Variants in ARHGAP12 observed in about 807,000 individuals in gnomAD.
ARHGAP12 encodes Rho GTPase activating protein 12.
In ARHGAP12, 64 loss-of-function variants were observed where a neutral mutation model predicts 108.6. The ratio of observed to expected loss-of-function variants is 0.59; its 90% CI spans 0.48 to 0.73. The LOEUF (loss-of-function observed/expected upper bound fraction) is 0.73. Among genes scored for constraint, ARHGAP12 ranks in the 30% least tolerant of loss-of-function variants. ARHGAP12 has a pLI of 0.00. For missense variants in ARHGAP12, 940 were observed against 1,005.9 expected, an observed-to-expected ratio of 0.93 and a Z score of 0.89; for synonymous variants, 312 against 337.2, an observed-to-expected ratio of 0.93 and a Z score of 0.82.
chr10:31,843,672 G>T, intron 6 of ARHGAP12, 86 bp from the exon 7 acceptor site: 1 of 1,416,782 alleles, frequency 7.1e-7, no homozygotes, highest in Non-Finnish European at 9.3e-7. Flanking sequence ...GGCTCCAAAT[G>T]ACAAAGACTG....
At chr10:31,866,586 C>G (rs940679237) in intron 3 of ARHGAP12, among the ~76,000 whole-genome samples, 1 of 151,176 alleles carries the variant, frequency 6.6e-6, no homozygotes, top group Non-Finnish European at 1.5e-5. Flanking sequence ...AAACACCATA[C>G]AATGAGAAGA....
At chr10:31,928,838 C>A (rs971828871), upstream of ARHGAP12, 2 of 152,102 alleles carry the variant, frequency 1.3e-5, no homozygotes, top group Non-Finnish European at 2.9e-5. Context: ...TTACAGGGCA[C>A]GTCGGAGCGC....
intron 15 of ARHGAP12, among the ~76,000 whole-genome samples, chr10:31,811,298 T>C (rs944458644): frequency 6.6e-6 from 1 of 152,208 alleles, no homozygotes; most frequent in Non-Finnish European, 1.5e-5. Context: ...TTTTAAAAAC[T>C]ATTAAAATAA....
At chr10:31,888,406 G>A (rs927469438) in intron 3 of ARHGAP12, among the ~76,000 whole-genome samples, 1 of 152,136 alleles carries the variant, frequency 6.6e-6, no homozygotes, top group Non-Finnish European at 1.5e-5. Flanking sequence ...ACTAAGGAAA[G>A]AAAAAATAGA....
Position 31,809,229 on chromosome 10 carries a change from C to A in ARHGAP12, c.2128+1G>T. The A allele has an allele frequency of 6.2e-7, 1 of 1,613,808 alleles. No individual in the cohort carries two copies. The highest frequency in any genetic ancestry group is 8.5e-7 in the Non-Finnish European group (1 of 1,179,816). On this transcript the variant is annotated splice_donor_variant, in intron 17 of 19. Transcript: ENST00000344936. LOFTEE classifies it high-confidence loss of function. ...AATAACAACAGTAAATATAATCTTA[C>A]CATGATTGACTGCAAACCTTAGTTT...
intron 6 of ARHGAP12, among the ~76,000 whole-genome samples, chr10:31,846,046 A>G (rs1836451277): frequency 1.3e-5 from 2 of 152,092 alleles, no homozygotes; most frequent in African/African-American, 2.4e-5. Context: ...GCCTCTCGTT[A>G]TACTTTTTTA....
At chr10:31,898,321 C>T (rs976526908) in intron 3 of ARHGAP12, among the ~76,000 whole-genome samples, 9 of 152,144 alleles carry the variant, frequency 5.9e-5, no homozygotes, top group African/African-American at 1.7e-4. Flanking sequence ...AGATGCTCAA[C>T]GTCATTAATC....
At chr10:31,867,798 A>C (rs1010912361) in intron 3 of ARHGAP12, among the ~76,000 whole-genome samples, 3 of 152,190 alleles carry the variant, frequency 2.0e-5, no homozygotes, top group Admixed American at 6.5e-5. Context: ...AATCAGAAAC[A>C]ACCTAAACAT....
At chr10:31,911,806 G>C (rs1839362021) in intron 1 of ARHGAP12, among the ~76,000 whole-genome samples, 1 of 152,112 alleles carries the variant, frequency 6.6e-6, no homozygotes, top group Non-Finnish European at 1.5e-5. Context: ...GCAATTATTA[G>C]AAAACAATCA....
intron 4 of ARHGAP12, among the ~76,000 whole-genome samples, chr10:31,857,090 A>G (rs1376665180): frequency 6.7e-6 from 1 of 149,050 alleles, no homozygotes; most frequent in East Asian, 1.9e-4. Context: ...CATCTGATTC[A>G]AATCATTCAA....
In ARHGAP12 at chr10:31,806,668, TAC is replaced by T. The variant is rs935491060; in HGVS notation, c.*988_*989del. On this transcript the variant is annotated 3_prime_UTR_variant, in exon 20 of 20. Transcript: ENST00000344936. ...AGTATTTTTCCAGTACCATTCTCATTACAGTGATTTGCCTGTAAATGTAGTTA... is the reference window on the plus strand; with the variant it reads ...AGTATTTTTCCAGTACCATTCTCATTAGTGATTTGCCTGTAAATGTAGTTA... 7.2e-5 allele frequency: 11 copies of T among 152,612 alleles called. No homozygotes were observed. The highest frequency in any genetic ancestry group is 2.2e-4 in the African/African-American group (9 of 41,450). The allele number at this position is 152,612 out of a possible 1,614,324, so 9.5% of individuals were successfully genotyped here.
intron 10 of ARHGAP12, among the ~76,000 whole-genome samples, 159 bp from the exon 11 acceptor site, chr10:31,826,544 TAC>T (rs1258319281): frequency 2.6e-5 from 4 of 152,230 alleles, no homozygotes; most frequent in African/African-American, 9.6e-5. Context: ...TAATGCAATT[TAC>T]AGTCATTTTA....
At chr10:31,910,038 A>G (rs1839283890) in intron 2 of ARHGAP12, among the ~76,000 whole-genome samples, 1 of 152,192 alleles carries the variant, frequency 6.6e-6, no homozygotes, top group African/African-American at 2.4e-5. Flanking sequence ...AACCACCAGA[A>G]GTCAGGCAGG....
At chr10:31,858,466 C>T (rs187900075) in intron 4 of ARHGAP12, among the ~76,000 whole-genome samples, 9 of 152,186 alleles carry the variant, frequency 5.9e-5, no homozygotes, top group African/African-American at 1.9e-4. Flanking sequence ...ACTTGTAGTC[C>T]CAGCTACTGG....
At chr10:31,918,109 C>T (rs1454389669) in intron 1 of ARHGAP12, among the ~76,000 whole-genome samples, 1 of 152,008 alleles carries the variant, frequency 6.6e-6, no homozygotes, top group Non-Finnish European at 1.5e-5. Flanking sequence ...GTACGTACCA[C>T]CACACCTAGC....
At position 31,902,936 on chromosome 10, in the gene ARHGAP12, C is replaced by A. The variant is rs78979405; in HGVS notation, c.684+5236G>T. 6.1e-4 allele frequency among the ~76,000 whole-genome samples: 93 copies of A among 152,146 alleles called. 2 individuals carry two copies. The East Asian group carries it at 0.017, about 27-fold the overall frequency. ...CCTCCAGAATGTGAGTGGGCCTCAT[C>A]CAATCAAATGAAGGCCTGAATAGAA... On this transcript the variant is annotated intron_variant, in intron 3 of 19. Coordinates refer to ENST00000344936, the MANE Select transcript of ARHGAP12 (RefSeq NM_018287.7).
intron 1 of ARHGAP12, among the ~76,000 whole-genome samples, chr10:31,926,081 T>A (rs2132512601): frequency 6.6e-6 from 1 of 152,310 alleles, no homozygotes; most frequent in South Asian, 2.1e-4. Flanking sequence ...CAGAACAGCA[T>A]CCATATGACC....
At chr10:31,889,948 G>A (rs953712091) in intron 3 of ARHGAP12, among the ~76,000 whole-genome samples, 2 of 151,838 alleles carry the variant, frequency 1.3e-5, no homozygotes, top group African/African-American at 4.8e-5. Flanking sequence ...GATCTTGGAG[G>A]GCCATGAAAT....
intron 10 of ARHGAP12, 135 bp from the exon 11 acceptor site, chr10:31,826,520 T>C (rs1422936320): frequency 1.5e-6 from 1 of 653,638 alleles, no homozygotes; most frequent in Non-Finnish European, 2.5e-6. Context: ...ATTGTTTTTA[T>C]TGGGGATAGA....
Sources: allele counts gnomAD v4.1 joint callset (sites outside exome capture counted in the v4.1 genomes callset), GRCh38; gene constraint gnomAD v4.1.1; transcripts MANE v1.5; gene names NCBI Gene and HGNC (gene_info 2026-07-23, HGNC 2026-07-21).